PHF6: variants seen among roughly 807,000 people sequenced by gnomAD.
The protein encoded by PHF6 is PHD finger protein 6.
PHF6 carries 7 observed loss-of-function variants against 34.0 expected under a neutral mutation model. That is an observed-to-expected ratio of 0.21 (90% CI 0.12 to 0.39). The LOEUF is 0.39. Among genes scored for constraint, PHF6 ranks in the 10% least tolerant of loss-of-function variants. The probability of loss-of-function intolerance (pLI) is 1.00; values close to 1 mark genes in which losing one functional copy is unlikely to be tolerated. For missense variants in PHF6, 128 were observed against 262.8 expected (o/e 0.49, Z 3.55); for synonymous variants, 89 against 88.4 (o/e 1.01, Z -0.04).
intron 8 of PHF6, 89 bp from the exon 9 acceptor site, chrX:134,417,080 G>A (rs1015728515): frequency 3.0e-6 from 3 of 1,002,701 alleles, no homozygotes; most frequent in African/African-American, 1.9e-5. Context: ...TATATGCTAT[G>A]TGATAATTTC....
rs189954562 is a variant in PHF6, at chrX:134,375,988, G to A, written c.-46-1584G>A. 2.2e-4 allele frequency among the ~76,000 whole-genome samples: 25 copies of A among 111,390 alleles called. No individual in the cohort carries two copies. In the East Asian group the frequency reaches 6.5e-3, roughly 29 times the overall value. ...AATACAGTACTATGGTAAAGTATCC[G>A]TTGTCATTTGGACGACTGAGATATT... On this transcript the variant is annotated intron_variant, in intron 1 of 10. Coordinates refer to ENST00000370803, the MANE Select transcript of PHF6 (RefSeq NM_001015877.2).
chrX:134,399,652 T>C (rs865987945), intron 5 of PHF6, among the ~76,000 whole-genome samples: 1 of 101,232 alleles, frequency 9.9e-6, no homozygotes, highest in Non-Finnish European at 2.0e-5. Flanking sequence ...ACCCCTAACA[T>C]ACACACACAC....
intron 3 of PHF6, among the ~76,000 whole-genome samples, chrX:134,389,796 C>T (rs1052950546): frequency 1.3e-4 from 14 of 111,331 alleles, no homozygotes; most frequent in African/African-American, 4.6e-4. Flanking sequence ...AGTCCTAGAT[C>T]AGAATGTTTA....
At chrX:134,374,500 G>A (rs1000342719) in intron 1 of PHF6, among the ~76,000 whole-genome samples, 1 of 112,385 alleles carries the variant, frequency 8.9e-6, no homozygotes, top group African/African-American at 3.2e-5. Flanking sequence ...TAGAAATACT[G>A]CTTCTTTGGG....
chrX:134,383,107 G>A (rs925072087), intron 3 of PHF6, among the ~76,000 whole-genome samples: 12 of 110,351 alleles, frequency 1.1e-4, no homozygotes, highest in Non-Finnish European at 1.7e-4. Flanking sequence ...TTGAAATGTG[G>A]CATGTTCCTG....
intron 7 of PHF6, among the ~76,000 whole-genome samples, chrX:134,414,644 GA>G (rs397895247): frequency 0.091 from 9,434 of 103,326 alleles, 448 homozygotes; most frequent in Non-Finnish European, 0.14. Context: ...TGTCTAGTTT[GA>G]AAAAAAAAAA....
At chrX:134,406,113 T>TCTTTC (rs1426712317) in intron 5 of PHF6, among the ~76,000 whole-genome samples, 6 of 98,766 alleles carry the variant, frequency 6.1e-5, no homozygotes, top group Middle Eastern at 5.1e-3. Flanking sequence ...TTTCTTTCTT[T>TCTTTC]TTTTTTTTAC....
Position 134,427,908 on chromosome X carries a change from G to A in PHF6, c.*2248G>A, listed in dbSNP as rs41312600. 1,515 of 154,350 alleles carry A rather than the reference G, an allele frequency of 9.8e-3. 10 individuals are homozygous for A. Among genetic ancestry groups the A allele is most frequent in the Non-Finnish European group, 0.015 (1,198 of 79,069 alleles). 12.7% of individuals were successfully genotyped at this position (154,350 alleles called of 1,213,427 possible). A position where few individuals can be genotyped will look rare whatever the true frequency, so the allele number is the denominator to read the frequency against. ...TCCCAAGTAGCATCATCATCTTCTGGGTAGTAATTACATTGTGGTATTAAT... is the reference window on the plus strand; with the variant it reads ...TCCCAAGTAGCATCATCATCTTCTGAGTAGTAATTACATTGTGGTATTAAT... On this transcript the variant is annotated 3_prime_UTR_variant, in exon 11 of 11. Coordinates refer to ENST00000370803, the MANE Select transcript of PHF6 (RefSeq NM_001015877.2).
chrX:134,382,362 A>T (rs2077310972), intron 3 of PHF6, among the ~76,000 whole-genome samples: 2 of 111,193 alleles, frequency 1.8e-5, no homozygotes, highest in African/African-American at 6.5e-5. Context: ...TGGAGATACC[A>T]CATCTGTACC....
At chrX:134,397,218 T>A (rs1189677429) in intron 5 of PHF6, among the ~76,000 whole-genome samples, 1 of 112,441 alleles carries the variant, frequency 8.9e-6, no homozygotes, top group Non-Finnish European at 1.9e-5. Flanking sequence ...AAAGCAATTT[T>A]AAAAATCTAT....
chrX:134,395,643 G>C (rs1003689697), intron 5 of PHF6, among the ~76,000 whole-genome samples: 6 of 111,979 alleles, frequency 5.4e-5, no homozygotes, highest in African/African-American at 1.9e-4. Context: ...TGTTGTTTTA[G>C]GAAGCTGTTT....
chrX:134,401,155 C>T (rs905920913), intron 5 of PHF6, among the ~76,000 whole-genome samples: 3 of 111,276 alleles, frequency 2.7e-5, no homozygotes, highest in African/African-American at 9.8e-5. Context: ...CCCAACTTAC[C>T]AGTACACCAA....
Position 134,390,517 on chromosome X carries a change from G to C in PHF6, c.241-2984G>C, listed in dbSNP as rs1239457445. ...AGCTTAAAACCAGTTACTTTGGGCA[G>C]ATTTAAATTTATAACCAGCCAAAAA... On this transcript the variant is annotated intron_variant, in intron 3 of 10. Transcript: ENST00000370803. Among the ~76,000 whole-genome samples the C allele has an allele frequency of 2.7e-5, 3 of 112,425 alleles. No homozygotes were observed. The Admixed American group carries it at 2.8e-4, about 11-fold the overall frequency.
Position 134,427,034 on chromosome X carries a change from T to G in PHF6, c.*1374T>G, listed in dbSNP as rs992638381. ...AGCAGCATTTTAAAAATGTAACAGG[T>G]GGAAAATTACACTGTGCTTAATGAC... On this transcript the variant is annotated 3_prime_UTR_variant, in exon 11 of 11. Coordinates refer to ENST00000370803, the MANE Select transcript of PHF6 (RefSeq NM_001015877.2). The G allele has an allele frequency of 6.2e-6, 1 of 160,564 alleles. No homozygotes were observed. Among genetic ancestry groups the G allele is most frequent in the Non-Finnish European group, 1.2e-5 (1 of 84,308 alleles). 13.2% of individuals were successfully genotyped at this position (160,564 alleles called of 1,213,427 possible). A position where few individuals can be genotyped will look rare whatever the true frequency, so the allele number is the denominator to read the frequency against.
chrX:134,422,333 C>G (rs2077494847), intron 9 of PHF6, among the ~76,000 whole-genome samples: 1 of 111,960 alleles, frequency 8.9e-6, no homozygotes, highest in African/African-American at 3.2e-5. Context: ...TATTAGACAA[C>G]CATATTTCAG....
intron 5 of PHF6, among the ~76,000 whole-genome samples, chrX:134,395,592 T>G: frequency 8.9e-6 from 1 of 112,344 alleles, no homozygotes. Flanking sequence ...TTTTGTTCGC[T>G]TTTGAGAATA....
intron 5 of PHF6, among the ~76,000 whole-genome samples, chrX:134,403,105 T>C (rs975393207): frequency 8.9e-6 from 1 of 112,098 alleles, no homozygotes; most frequent in Non-Finnish European, 1.9e-5. Context: ...GAGTTGTACC[T>C]TTCTCACTTT....
At chrX:134,410,955 C>CTT (rs768638503) in intron 5 of PHF6, among the ~76,000 whole-genome samples, 3 of 90,585 alleles carry the variant, frequency 3.3e-5, no homozygotes, top group Admixed American at 1.2e-4. Context: ...TAACTTACCA[C>CTT]TTTTTTTTTT....
rs184869927 is a variant in PHF6 at position 134,411,357 on chromosome X, T to A, written c.419-2134T>A. Among the ~76,000 whole-genome samples, 834 of 111,389 alleles carry A rather than the reference T, an allele frequency of 7.5e-3. 5 individuals are homozygous for A. Among genetic ancestry groups the A allele is most frequent in the African/African-American group, 0.026 (798 of 30,713 alleles). On this transcript the variant is annotated intron_variant, in intron 5 of 10. Transcript: ENST00000370803. ...CTATTGATGTTAAAGTTGTTAAAAA[T>A]TTTTGTGGAATGATTTCATATTTAG...
Sources: allele counts gnomAD v4.1 joint callset (sites outside exome capture counted in the v4.1 genomes callset), GRCh38; gene constraint gnomAD v4.1.1; transcripts MANE v1.5; gene names NCBI Gene and HGNC (gene_info 2026-07-23, HGNC 2026-07-21).